The following OXR1 variants were observed in gnomAD, a reference collection of about 807,000 sequenced individuals.
OXR1 encodes the protein oxidation resistance 1.
OXR1 carries 41 observed loss-of-function variants against 104.6 expected under a neutral mutation model. The observed-to-expected ratio is 0.39, with a 90% CI of 0.31 to 0.51. OXR1 has a LOEUF of 0.51. Among genes scored for constraint, OXR1 ranks in the 20% least tolerant of loss-of-function variants. The pLI is 0.77. For missense variants in OXR1, 955 were observed against 1,031.9 expected, an observed-to-expected ratio of 0.93 and a Z score of 1.02; for synonymous variants, 348 against 348.4, an observed-to-expected ratio of 1.00 and a Z score of 0.01.
chr8:106,314,469 A>G (rs1813843406), intron 1 of OXR1, among the ~76,000 whole-genome samples: 2 of 152,242 alleles, frequency 1.3e-5, no homozygotes, highest in Non-Finnish European at 2.9e-5. Flanking sequence ...TAAGACACTG[A>G]GCACAGTTTG....
chr8:106,324,628 C>CA (rs1814385968), intron 1 of OXR1, among the ~76,000 whole-genome samples: 1 of 148,418 alleles, frequency 6.7e-6, no homozygotes. Flanking sequence ...AAATTTCCTT[C>CA]TTTTTTTTTT....
At chr8:106,582,023 C>CAAAAAAAAAAAAAAAAAAAACCAAA (rs1818261642) in intron 3 of OXR1, among the ~76,000 whole-genome samples, 1 of 69,568 alleles carries the variant, frequency 1.4e-5, no homozygotes, top group African/African-American at 6.0e-5. Context: ...GACTCTGTCT[C>CAAAAAAAAAAAAAAAAAAAACCAAA]AAAAAAAAAA....
chr8:106,413,820 T>TTGGA (rs1818561634), intron 2 of OXR1, among the ~76,000 whole-genome samples: 1 of 151,632 alleles, frequency 6.6e-6, no homozygotes, highest in South Asian at 2.1e-4. Flanking sequence ...ACCTCCTGGG[T>TTGGA]TGGAGCAATT....
intron 2 of OXR1, among the ~76,000 whole-genome samples, chr8:106,439,943 CATT>C (rs1819718560): frequency 3.9e-5 from 6 of 152,190 alleles, no homozygotes; most frequent in Admixed American, 2.6e-4. Context: ...TTTTTTAAAT[CATT>C]GACTAGATTC....
chr8:106,496,629 T>A (rs2129909761), intron 2 of OXR1, among the ~76,000 whole-genome samples: 2 of 152,188 alleles, frequency 1.3e-5, no homozygotes, highest in Middle Eastern at 6.8e-3. Context: ...TCTACTAACA[T>A]CTAATTGGCC....
At chr8:106,697,706 A>G in intron 7 of OXR1, 1 of 1,614,072 alleles carries the variant, frequency 6.2e-7, no homozygotes, top group Non-Finnish European at 8.5e-7. Flanking sequence ...TTAATGCCAT[A>G]GCGCTCAGCT....
intron 3 of OXR1, among the ~76,000 whole-genome samples, chr8:106,556,021 AACTT>A (rs1169483201): frequency 1.3e-5 from 2 of 151,150 alleles, no homozygotes; most frequent in Non-Finnish European, 2.9e-5. Context: ...AACTTGAAAA[AACTT>A]AGTTAAATGA....
At chr8:106,619,936 C>CCT (rs1354180311) in intron 3 of OXR1, among the ~76,000 whole-genome samples, 1 of 152,120 alleles carries the variant, frequency 6.6e-6, no homozygotes, top group African/African-American at 2.4e-5. Flanking sequence ...CCTCTGTATT[C>CCT]CTCTCTCTCC....
intron 2 of OXR1, among the ~76,000 whole-genome samples, chr8:106,489,081 G>C (rs1810899967): frequency 6.7e-6 from 1 of 149,760 alleles, no homozygotes; most frequent in Non-Finnish European, 1.5e-5. Flanking sequence ...CCATTTCTTT[G>C]TATCCTCTTT....
intron 2 of OXR1, among the ~76,000 whole-genome samples, chr8:106,484,406 G>T (rs139003383): frequency 1.3e-5 from 2 of 151,824 alleles, no homozygotes; most frequent in South Asian, 2.1e-4. Context: ...TATCACATGC[G>T]CTCCATAAAC....
At chr8:106,380,565 G>A (rs1328538705) in intron 2 of OXR1, among the ~76,000 whole-genome samples, 1 of 152,170 alleles carries the variant, frequency 6.6e-6, no homozygotes, top group Non-Finnish European at 1.5e-5. Flanking sequence ...TAAAGTGGCT[G>A]TCCCATTCTA....
At position 106,397,123 on chromosome 8, in the gene OXR1, G is replaced by T. The variant is rs73698967; in HGVS notation, c.23+37487G>T. Among the ~76,000 whole-genome samples, 558 of 152,136 alleles carry T rather than the reference G, an allele frequency of 3.7e-3. 6 individuals carry two copies. The highest frequency in any genetic ancestry group is 0.012 in the African/African-American group (496 of 41,522). On this transcript the variant is annotated intron_variant, in intron 2 of 16. Coordinates refer to ENST00000517566, the MANE Select transcript of OXR1 (RefSeq NM_001198533.2). ...AACTTGGTGATACTGATTGCCTTGA[G>T]GTTTTCTGGGAAGAAGAGTGGCAAG...
chr8:106,281,665 T>A (rs1425402656), intron 1 of OXR1, among the ~76,000 whole-genome samples: 1 of 151,996 alleles, frequency 6.6e-6, no homozygotes, highest in African/African-American at 2.4e-5. Context: ...CCGGGTGCAC[T>A]GGCGCACGCC....
At chr8:106,365,346 A>G (rs1015113383) in intron 2 of OXR1, among the ~76,000 whole-genome samples, 1 of 151,924 alleles carries the variant, frequency 6.6e-6, no homozygotes, top group Non-Finnish European at 1.5e-5. Flanking sequence ...TTAAGTGGAA[A>G]TGGTCAGCTT....
At chr8:106,656,118 C>G (rs1325328952) in intron 3 of OXR1, 1 of 152,236 alleles carries the variant, frequency 6.6e-6, no homozygotes, top group Non-Finnish European at 1.5e-5. Flanking sequence ...TACCGAGCCT[C>G]TCTTTCATTG....
intron 2 of OXR1, among the ~76,000 whole-genome samples, chr8:106,451,926 C>T (rs1042677283): frequency 6.6e-6 from 1 of 152,132 alleles, no homozygotes; most frequent in Non-Finnish European, 1.5e-5. Context: ...ACAGCAGGAA[C>T]GCTGCTACTG....
intron 1 of OXR1, among the ~76,000 whole-genome samples, chr8:106,346,524 A>G (rs1815486321): frequency 6.6e-6 from 1 of 152,236 alleles, no homozygotes; most frequent in East Asian, 1.9e-4. Context: ...TTCATTTAAT[A>G]AAATAAATGG....
chr8:106,526,223 T>G (rs1193467930), intron 3 of OXR1, among the ~76,000 whole-genome samples: 3 of 152,212 alleles, frequency 2.0e-5, no homozygotes, highest in Non-Finnish European at 4.4e-5. Flanking sequence ...CAGCTCTAAC[T>G]GGGAACTCAA....
chr8:106,489,924 AAT>A (rs1810964401), intron 2 of OXR1, among the ~76,000 whole-genome samples: 1 of 152,170 alleles, frequency 6.6e-6, no homozygotes, highest in Admixed American at 6.5e-5. Flanking sequence ...TCCAGATTGA[AAT>A]AGTTCAGAGA....
Sources: allele counts gnomAD v4.1 joint callset (sites outside exome capture counted in the v4.1 genomes callset), GRCh38; gene constraint gnomAD v4.1.1; transcripts MANE v1.5; gene names NCBI Gene and HGNC (gene_info 2026-07-23, HGNC 2026-07-21).